The following RANBP2 variants were observed in gnomAD, a reference collection of about 807,000 sequenced individuals.
RANBP2 encodes the protein E3 SUMO-protein ligase RanBP2.
Under a neutral mutation model 303.6 loss-of-function variants are expected in RANBP2, and 57 were observed. The ratio of observed to expected loss-of-function variants is 0.19; its 90% CI spans 0.15 to 0.23. The LOEUF (loss-of-function observed/expected upper bound fraction) is 0.23, where lower values mean the gene tolerates loss of function less well. RANBP2 is among the 10% of genes least tolerant of loss of function. The pLI is 1.00. For missense variants in RANBP2, 3,138 were observed against 3,780.8 expected (o/e 0.83, Z 4.46); for synonymous variants, 1,167 against 1,301.5 (o/e 0.90, Z 2.23).
chr2:109,470,252 A>G, the RANBP2 span, among the ~76,000 whole-genome samples: 2 of 152,168 alleles, frequency 1.3e-5, no homozygotes, highest in East Asian at 3.9e-4. Context: ...TCAATAAGTG[A>G]TGGGAGTTAG....
chr2:109,456,277 G>C, the RANBP2 span, among the ~76,000 whole-genome samples: 7 of 152,250 alleles, frequency 4.6e-5, no homozygotes, highest in African/African-American at 1.7e-4. Context: ...GAGCACCGGC[G>C]ACTCCAGGTC....
the RANBP2 span, chr2:109,348,030 A>G: frequency 4.7e-6 from 7 of 1,490,008 alleles, no homozygotes; most frequent in South Asian, 1.3e-5. Flanking sequence ...ACAGACCTAT[A>G]GCCAGACAGT....
the RANBP2 span, among the ~76,000 whole-genome samples, chr2:109,554,086 T>C: frequency 6.6e-6 from 1 of 152,032 alleles, no homozygotes; most frequent in African/African-American, 2.4e-5. Context: ...TATTAAACAC[T>C]GAAATAAATG....
the RANBP2 span, among the ~76,000 whole-genome samples, chr2:109,711,261 G>A: frequency 2.0e-5 from 3 of 152,006 alleles, no homozygotes; most frequent in South Asian, 4.1e-4. Flanking sequence ...CCCTTCTTGA[G>A]CCCACTTCTC....
At chr2:109,287,319 C>T in the RANBP2 span, among the ~76,000 whole-genome samples, 8 of 152,206 alleles carry the variant, frequency 5.3e-5, no homozygotes, top group African/African-American at 9.6e-5. Context: ...GGTGGAGAGG[C>T]GATACCAGTG....
At chr2:109,359,864 AG>A in the RANBP2 span, among the ~76,000 whole-genome samples, 4 of 152,176 alleles carry the variant, frequency 2.6e-5, no homozygotes, top group East Asian at 7.7e-4. Flanking sequence ...ACAACCATAA[AG>A]GGTCATAAAA....
chr2:109,276,620 AT>A, the RANBP2 span, among the ~76,000 whole-genome samples: 1 of 152,226 alleles, frequency 6.6e-6, no homozygotes, highest in African/African-American at 2.4e-5. Flanking sequence ...TTGTTTTGCC[AT>A]GGTGCTTTGG....
chr2:109,551,318 A>G, the RANBP2 span, among the ~76,000 whole-genome samples: 1 of 152,370 alleles, frequency 6.6e-6, no homozygotes, highest in East Asian at 1.9e-4. Flanking sequence ...CAGTCCTTTA[A>G]TATAGAATTA....
the RANBP2 span, among the ~76,000 whole-genome samples, chr2:108,864,094 G>C: frequency 6.6e-6 from 1 of 151,928 alleles, no homozygotes; most frequent in African/African-American, 2.4e-5. Flanking sequence ...ACACTAGTGA[G>C]CCCTTCTTGG....
the RANBP2 span, among the ~76,000 whole-genome samples, chr2:109,538,895 G>C: frequency 1.3e-5 from 2 of 152,178 alleles, no homozygotes; most frequent in Admixed American, 1.3e-4. Context: ...CATTTCCTCT[G>C]TATTTTCAAA....
intron 1 of RANBP2, among the ~76,000 whole-genome samples, chr2:108,723,575 C>G (rs1694458917): frequency 6.6e-6 from 1 of 152,112 alleles, no homozygotes; most frequent in Non-Finnish European, 1.5e-5. Flanking sequence ...GCGCCGGGCC[C>G]CATTTTAGAC....
the RANBP2 span, among the ~76,000 whole-genome samples, chr2:109,206,353 T>C: frequency 1.3e-5 from 2 of 151,900 alleles, no homozygotes; most frequent in African/African-American, 2.4e-5. Flanking sequence ...TTGCCGGGCT[T>C]GGTGGAGGGC....
At chr2:109,206,917 T>G in the RANBP2 span, among the ~76,000 whole-genome samples, 1,853 of 152,352 alleles carry the variant, frequency 0.012, 40 homozygotes, top group African/African-American at 0.043. Context: ...AGCTTGTGTT[T>G]GGGATAGCAT....
the RANBP2 span, among the ~76,000 whole-genome samples, chr2:109,445,576 A>G: frequency 6.6e-6 from 1 of 152,224 alleles, no homozygotes; most frequent in African/African-American, 2.4e-5. Flanking sequence ...TAGAAGGAAG[A>G]TTATTTATTA....
At chr2:108,875,062 G>C in the RANBP2 span, among the ~76,000 whole-genome samples, 1 of 151,948 alleles carries the variant, frequency 6.6e-6, no homozygotes, top group African/African-American at 2.4e-5. Flanking sequence ...ACTGGGAATA[G>C]TTGATGCTCA....
At chr2:109,388,847 G>C in the RANBP2 span, among the ~76,000 whole-genome samples, 1 of 152,124 alleles carries the variant, frequency 6.6e-6, no homozygotes, top group Non-Finnish European at 1.5e-5. Context: ...GAGAGAAGGG[G>C]GTATAGAGAC....
At chr2:109,193,830 C>G in the RANBP2 span, among the ~76,000 whole-genome samples, 1 of 152,164 alleles carries the variant, frequency 6.6e-6, no homozygotes, top group Non-Finnish European at 1.5e-5. Context: ...TACCCAGCAC[C>G]TGATTTAAGT....
At chr2:109,473,212 C>T in the RANBP2 span, among the ~76,000 whole-genome samples, 1 of 152,198 alleles carries the variant, frequency 6.6e-6, no homozygotes, top group Non-Finnish European at 1.5e-5. Flanking sequence ...GACATACGAG[C>T]GCCTCACACA....
chr2:108,949,604 G>C, the RANBP2 span, among the ~76,000 whole-genome samples: 1 of 152,060 alleles, frequency 6.6e-6, no homozygotes, highest in East Asian at 1.9e-4. Flanking sequence ...TCCTAAAAAT[G>C]TGATGAGATT....
Sources: allele counts gnomAD v4.1 joint callset (sites outside exome capture counted in the v4.1 genomes callset), GRCh38; gene constraint gnomAD v4.1.1; transcripts MANE v1.5; gene names NCBI Gene and HGNC (gene_info 2026-07-23, HGNC 2026-07-21).